Variants in BCL2L14 observed in about 807,000 individuals in gnomAD.
The protein encoded by BCL2L14 is apoptosis facilitator Bcl-2-like protein 14.
In BCL2L14, 27 loss-of-function variants were observed where a neutral mutation model predicts 35.3. That is an observed-to-expected ratio of 0.76 (90% CI 0.56 to 1.05). The LOEUF (loss-of-function observed/expected upper bound fraction) is 1.05. Among genes scored for constraint, BCL2L14 ranks in the 50% least tolerant of loss-of-function variants. The pLI is 0.00. For synonymous variants in BCL2L14, 139 were observed against 145.9 expected, an observed-to-expected ratio of 0.95 and a Z score of 0.34; for missense variants, 377 against 382.6, an observed-to-expected ratio of 0.99 and a Z score of 0.12.
Position 12,094,806 on chromosome 12 carries a change from T to C in BCL2L14, c.821T>C (p.Leu274Pro). 2 of 1,614,204 alleles carry C rather than the reference T, an allele frequency of 1.2e-6. No individual in the cohort carries two copies. Among genetic ancestry groups the C allele is most frequent in the Non-Finnish European group, 1.7e-6 (2 of 1,180,036 alleles). The change falls in exon 5 of 6, where the codon CTT becomes CCT. Residue 274 changes from leucine to proline, a missense_variant. Leu to Pro is a moderately conservative substitution (Grantham distance 98, BLOSUM62 -3). Coordinates refer to ENST00000308721, the MANE Select transcript of BCL2L14 (RefSeq NM_138723.2). ...AAAGCTCAGGGCTTTAAGGCTGCCC[T>C]TGTAATAGACGTCACGGCCAAGCTC... Reference protein sequence around the residue: ...EVKAQGFKAALVIDVTAKLTA... With the variant: ...EVKAQGFKAAPVIDVTAKLTA...
chr12:12,090,897 T>G, intron 4 of BCL2L14, 48 bp downstream of exon 4: 1 of 1,435,606 alleles, frequency 7.0e-7, no homozygotes, highest in Non-Finnish European at 9.7e-7. Flanking sequence ...GCCCATGCAC[T>G]AGTACACGAG....
intron 1 of BCL2L14, among the ~76,000 whole-genome samples, chr12:12,051,339 C>A (rs1466082269): frequency 6.6e-6 from 1 of 152,190 alleles, no homozygotes; most frequent in Non-Finnish European, 1.5e-5. Context: ...TAGTCTGTAG[C>A]TACATGGGAA....
At chr12:12,064,119 G>T (rs2136719171) in intron 2 of BCL2L14, among the ~76,000 whole-genome samples, 1 of 152,102 alleles carries the variant, frequency 6.6e-6, no homozygotes, top group South Asian at 2.1e-4. Context: ...CAAAGTGCTG[G>T]GATTACAGGC....
Position 12,094,846 on chromosome 12 carries a change from C to G in BCL2L14, c.861C>G (p.Asn287Lys), listed in dbSNP as rs1283430102. ...CGGCCAAGCTCACAGCTATTGACAA[C>G]CACCCGATGAACAGGGTCCTGGGCT... ...DVTAKLTAID[N>K]HPMNRVLGFG... is the part of the protein sequence containing the mutation. The change falls in exon 5 of 6, where the codon AAC becomes AAG. Residue 287 changes from asparagine to lysine, a missense_variant. Physicochemically the swap from Asn to Lys is moderately conservative, Grantham distance 94 (BLOSUM62 0). Coordinates refer to ENST00000308721, the MANE Select transcript of BCL2L14 (RefSeq NM_138723.2). The G allele has an allele frequency of 1.2e-6, 2 of 1,614,052 alleles. No individual in the cohort carries two copies. Among genetic ancestry groups the G allele is most frequent in the Admixed American group, 1.7e-5 (1 of 60,002 alleles).
chr12:12,055,075 G>C (rs2909000), intron 2 of BCL2L14: 122,335 of 152,140 alleles, frequency 0.8, 49,316 homozygotes, highest in East Asian at 0.98. Flanking sequence ...AGAGAATGAG[G>C]CATTTTTCAC....
chr12:12,066,999 C>T (rs1948602180), upstream of BCL2L14, among the ~76,000 whole-genome samples: 1 of 152,066 alleles, frequency 6.6e-6, no homozygotes, highest in African/African-American at 2.4e-5. Flanking sequence ...CATGAGCCAC[C>T]GCACCTGGTG....
At chr12:12,070,059 G>A (rs1261295805), upstream of BCL2L14, among the ~76,000 whole-genome samples, 1 of 152,204 alleles carries the variant, frequency 6.6e-6, no homozygotes, top group Non-Finnish European at 1.5e-5. Context: ...ACTCTGGAAA[G>A]AGCATAAAAT....
intron 2 of BCL2L14, among the ~76,000 whole-genome samples, chr12:12,054,364 C>T (rs1310323375): frequency 1.3e-5 from 2 of 151,858 alleles, no homozygotes; most frequent in South Asian, 2.1e-4. Context: ...ATTAGCCAGG[C>T]GTGGTGGCAG....
intron 1 of BCL2L14, among the ~76,000 whole-genome samples, chr12:12,075,742 C>A (rs542080828): frequency 6.6e-6 from 1 of 152,150 alleles, no homozygotes; most frequent in Non-Finnish European, 1.5e-5. Context: ...TTTCTTATGT[C>A]TCTTTTAAGC....
At chr12:12,072,471 T>G (rs796151455) in intron 1 of BCL2L14, 78 of 152,462 alleles carry the variant, frequency 5.1e-4, no homozygotes, top group African/African-American at 1.8e-3. Flanking sequence ...CTCTGTAGCC[T>G]TGCTTCTGAG....
rs774794146 is a variant in BCL2L14 at position 12,059,351 on chromosome 12, C to T, written c.-272+7504C>T. On this transcript the variant is annotated intron_variant, in intron 2 of 3. Coordinates refer to the BCL2L14 transcript ENST00000461264. Reference sequence around the variant, plus strand: ...CCAACCCCTTATCCTTCACCCTTAGCGGCAAGTCCGGCTTTTCTGGAGGAG... The same window carrying T: ...CCAACCCCTTATCCTTCACCCTTAGTGGCAAGTCCGGCTTTTCTGGAGGAG... Among the ~76,000 whole-genome samples, 24 of 151,942 alleles carry T rather than the reference C, an allele frequency of 1.6e-4. No homozygotes were observed. In the South Asian group the frequency reaches 1.7e-3, roughly 11 times the overall value.
At chr12:12,065,439 G>C (rs917447059) in intron 2 of BCL2L14, among the ~76,000 whole-genome samples, 1 of 151,848 alleles carries the variant, frequency 6.6e-6, no homozygotes, top group South Asian at 2.1e-4. Context: ...TGGAGACTGA[G>C]GCAGGAGAAT....
intron 1 of BCL2L14, chr12:12,072,483 G>A (rs1203092511): frequency 6.6e-6 from 1 of 152,368 alleles, no homozygotes; most frequent in Non-Finnish European, 1.5e-5. Context: ...GCTTCTGAGA[G>A]TGCAGGTTTG....
chr12:12,070,022 T>C (rs902003639), upstream of BCL2L14, among the ~76,000 whole-genome samples: 1 of 152,222 alleles, frequency 6.6e-6, no homozygotes, highest in Non-Finnish European at 1.5e-5. Flanking sequence ...ATCTCAAGCA[T>C]GGCCATATAT....
chr12:12,065,640 A>G (rs1171540577), intron 2 of BCL2L14, among the ~76,000 whole-genome samples: 1 of 151,868 alleles, frequency 6.6e-6, no homozygotes, highest in African/African-American at 2.4e-5. Context: ...AAAGTAATGG[A>G]AGATAAAGAT....
At chr12:12,082,470 A>C (rs1016547371) in intron 2 of BCL2L14, among the ~76,000 whole-genome samples, 1 of 152,234 alleles carries the variant, frequency 6.6e-6, no homozygotes, top group Admixed American at 6.5e-5. Flanking sequence ...CAGCAGACAG[A>C]GAAAGCTTTT....
chr12:12,083,253 C>T (rs1010451007), intron 2 of BCL2L14, among the ~76,000 whole-genome samples: 1 of 152,136 alleles, frequency 6.6e-6, no homozygotes, highest in Non-Finnish European at 1.5e-5. Context: ...CGTGAGCCAC[C>T]GTGCCTGGCC....
intron 1 of BCL2L14, among the ~76,000 whole-genome samples, chr12:12,074,009 A>G (rs1298137294): frequency 6.6e-6 from 1 of 152,202 alleles, no homozygotes; most frequent in Non-Finnish European, 1.5e-5. Flanking sequence ...GTTAGCAAGC[A>G]AGAATGCAAG....
chr12:12,083,306 A>G (rs1027988206), intron 2 of BCL2L14, among the ~76,000 whole-genome samples: 9 of 152,172 alleles, frequency 5.9e-5, no homozygotes, highest in Admixed American at 2.0e-4. Context: ...GTAGCCTTGT[A>G]CAGCCACTGC....
Sources: allele counts gnomAD v4.1 joint callset (sites outside exome capture counted in the v4.1 genomes callset), GRCh38; gene constraint gnomAD v4.1.1; transcripts MANE v1.5; gene names NCBI Gene and HGNC (gene_info 2026-07-23, HGNC 2026-07-21).